SETD5: variants seen among roughly 807,000 people sequenced by gnomAD.
The protein encoded by SETD5 is histone-lysine N-methyltransferase SETD5.
A neutral mutation model predicts 153.3 loss-of-function variants in SETD5; 44 were observed. The observed-to-expected ratio is 0.29, with a 90% CI of 0.23 to 0.37. The LOEUF (loss-of-function observed/expected upper bound fraction) is 0.37, where lower values mean the gene tolerates loss of function less well. Ranked by LOEUF, SETD5 falls within the 10% of genes least tolerant of loss-of-function variation. The probability of loss-of-function intolerance (pLI) is 1.00; values close to 1 mark genes in which losing one functional copy is unlikely to be tolerated. For missense variants in SETD5, 1,544 were observed against 1,768.0 expected (o/e 0.87, Z 2.27); for synonymous variants, 716 against 645.2 (o/e 1.11, Z -1.66).
At chr3:9,431,987 C>T (rs866555709) in intron 3 of SETD5, 1 of 153,426 alleles carries the variant, frequency 6.5e-6, no homozygotes, top group Admixed American at 6.6e-5. Flanking sequence ...AAATTTATTA[C>T]TTTCTTTTAA....
At position 9,405,723 on chromosome 3, in the gene SETD5, C is replaced by A. The variant is rs560371741; in HGVS notation, c.-177+7746C>A. 7.9e-5 allele frequency among the ~76,000 whole-genome samples: 12 copies of A among 152,238 alleles called. 1 individual carries two copies. The South Asian group carries it at 2.5e-3, about 32-fold the overall frequency. Reference sequence around the variant, plus strand: ...CAGTATCATGTTAGCATATTTAATACTGTTGATATGTTAATTTTAATACAT... The same window carrying A: ...CAGTATCATGTTAGCATATTTAATAATGTTGATATGTTAATTTTAATACAT... On this transcript the variant is annotated intron_variant, in intron 1 of 22. Transcript: ENST00000402198.
chr3:9,443,923 G>A (rs1456321879), intron 11 of SETD5, among the ~76,000 whole-genome samples: 4 of 152,156 alleles, frequency 2.6e-5, no homozygotes, highest in African/African-American at 4.8e-5. Context: ...TTAGCTGGGC[G>A]TGGCGGCACA....
intron 18 of SETD5, chr3:9,468,709 G>T (rs2044927518): frequency 1.6e-6 from 1 of 640,070 alleles, no homozygotes; most frequent in African/African-American, 1.9e-5. Context: ...CTCAGTCACA[G>T]TAAGTTGAAT....
chr3:9,429,740 C>T (rs1396304730), intron 3 of SETD5: 2 of 918,404 alleles, frequency 2.2e-6, no homozygotes, highest in Non-Finnish European at 1.4e-6. Context: ...TATCCCTTCT[C>T]TTTTAAGTTG....
In SETD5 at chr3:9,400,248, T is replaced by A. The variant is rs2034538376; in HGVS notation, c.-177+2271T>A. Among the ~76,000 whole-genome samples the A allele has an allele frequency of 2.0e-5, 3 of 152,252 alleles. No individual in the cohort carries two copies. The South Asian group carries it at 6.2e-4, about 31-fold the overall frequency. ...GTTTGTTTGATTTGATTTTTGTTTT[T>A]TGGCAGATTTTTGTTTTTTATCTAG... is the stretch of plus-strand genomic sequence containing the variant. On this transcript the variant is annotated intron_variant, in intron 1 of 22. Transcript: ENST00000402198.
chr3:9,471,359 A>C (rs1238739269), intron 19 of SETD5, among the ~76,000 whole-genome samples: 2 of 152,234 alleles, frequency 1.3e-5, no homozygotes, highest in African/African-American at 4.8e-5. Context: ...GGACCAGGAT[A>C]CTACCCAGTT....
intron 1 of SETD5, among the ~76,000 whole-genome samples, chr3:9,413,222 A>G (rs191112682): frequency 6.6e-6 from 1 of 152,294 alleles, no homozygotes; most frequent in Admixed American, 6.5e-5. Context: ...AGTAGCCTAC[A>G]TATATAATGA....
chr3:9,442,979 G>A lies in SETD5; in HGVS notation c.1078-329G>A, dbSNP rs147950850. The A allele has an allele frequency of 2.2e-3, 439 of 198,188 alleles. 2 individuals are homozygous for A. Among genetic ancestry groups the A allele is most frequent in the African/African-American group, 0.01 (427 of 41,896 alleles). The allele number at this position is 198,188 out of a possible 1,614,324, so 12.3% of individuals were successfully genotyped here. A position where few individuals can be genotyped will look rare whatever the true frequency, so the allele number is the denominator to read the frequency against. Reference sequence around the variant, plus strand: ...TGCTTGAACCCGGGAGGCAGAGGTTGCCGTGAGCCGAGATCACGCCACTCC... The same window carrying A: ...TGCTTGAACCCGGGAGGCAGAGGTTACCGTGAGCCGAGATCACGCCACTCC... On this transcript the variant is annotated intron_variant, in intron 10 of 22. Transcript: ENST00000402198.
intron 3 of SETD5, chr3:9,431,217 T>C (rs1469916030): frequency 2.0e-6 from 2 of 985,330 alleles, no homozygotes; most frequent in African/African-American, 3.5e-5. Context: ...CAAAGATTTT[T>C]CTGAATTTCC....
At position 9,448,474 on chromosome 3, in the gene SETD5, T is replaced by G; in HGVS notation, c.2190T>G (p.Thr730=). The G allele has an allele frequency of 6.2e-7, 1 of 1,613,988 alleles. No individual in the cohort carries two copies. Among genetic ancestry groups the G allele is most frequent in the African/African-American group, 1.3e-5 (1 of 75,048 alleles). ...ECPLRITTDP[T]VLATTLNMLP... ...CTTTACGTATCACAACGGATCCAACTGTACTGGCAACGACCCTAAACATGT... is the reference window on the plus strand; with the variant it reads ...CTTTACGTATCACAACGGATCCAACGGTACTGGCAACGACCCTAAACATGT... Residue 730 remains threonine, a synonymous_variant, in exon 16 of 23, where the codon ACT becomes ACG. Coordinates refer to ENST00000402198, the MANE Select transcript of SETD5 (RefSeq NM_001080517.3).
chr3:9,440,792 G>A (rs1261877540), intron 8 of SETD5, 94 bp downstream of exon 8: 12 of 1,433,048 alleles, frequency 8.4e-6, no homozygotes, highest in South Asian at 1.4e-5. Flanking sequence ...CCTTCCAAAT[G>A]TACAAGGCCA....
At chr3:9,425,576 T>A (rs955067262) in intron 2 of SETD5, among the ~76,000 whole-genome samples, 1 of 92,550 alleles carries the variant, frequency 1.1e-5, no homozygotes, top group Non-Finnish European at 2.5e-5. Context: ...GAAACTGTAC[T>A]TTTTTTTTTT....
At position 9,476,915 on chromosome 3, in the gene SETD5, T is replaced by A. The variant is rs1311825470; in HGVS notation, c.*824T>A. 1 of 152,654 alleles carries A rather than the reference T, an allele frequency of 6.6e-6. No homozygotes were observed. Among genetic ancestry groups the A allele is most frequent in the Non-Finnish European group, 1.5e-5 (1 of 68,038 alleles). 9.5% of individuals were successfully genotyped at this position (152,654 alleles called of 1,614,324 possible). On this transcript the variant is annotated 3_prime_UTR_variant, in exon 23 of 23. Transcript: ENST00000402198. ...TGATATAGGCCAATTGCATTGCTAC[T>A]TACCAGCTTTTGGCAATAAATTTCA...
In SETD5 at chr3:9,440,673, A is replaced by G; in HGVS notation, c.785A>G (p.Asn262Ser). 1 of 1,613,514 alleles carries G rather than the reference A, an allele frequency of 6.2e-7. No individual in the cohort carries two copies. Among genetic ancestry groups the G allele is most frequent in the Non-Finnish European group, 8.5e-7 (1 of 1,179,662 alleles). ...AATAAGACTGAATTGGCCTGTAATA[A>G]CACAGTTATTGGTTCCCAAATGCAG... is the stretch of plus-strand genomic sequence containing the variant. ...TINKTELACN[N>S]TVIGSQMQLQ... The change falls in exon 8 of 23, where the codon AAC (asparagine) becomes AGC (serine). Residue 262 changes from asparagine (N) to serine (S), a missense_variant. This residue lies in a region of SETD5 where 251 missense variants were observed against 326.9 expected (regional missense o/e 0.77). Transcript: ENST00000402198.
intron 13 of SETD5, among the ~76,000 whole-genome samples, 179 bp downstream of exon 13, chr3:9,445,919 CAGT>C (rs1206888283): frequency 7.0e-6 from 1 of 142,518 alleles, no homozygotes; most frequent in Non-Finnish European, 1.5e-5. Flanking sequence ...TCTATACACA[CAGT>C]AGTTTTGTAG....
intron 9 of SETD5, 69 bp downstream of exon 9, chr3:9,441,810 C>G: frequency 2.5e-6 from 4 of 1,589,626 alleles, no homozygotes; most frequent in Non-Finnish European, 2.6e-6. Flanking sequence ...TTGTAAAAAT[C>G]ATTCTGTTTG....
At position 9,429,805 on chromosome 3, in the gene SETD5, A is replaced by C. The variant is rs1411961898; in HGVS notation, c.71+796A>C. ...CCTCTTGTCCTTTTACCTCCCTTGTACCCAATCTTCCTTGCTTACAGAAAG... is the reference window on the plus strand; with the variant it reads ...CCTCTTGTCCTTTTACCTCCCTTGTCCCCAATCTTCCTTGCTTACAGAAAG... On this transcript the variant is annotated intron_variant, in intron 3 of 22. Coordinates refer to ENST00000402198, the MANE Select transcript of SETD5 (RefSeq NM_001080517.3). The C allele has an allele frequency of 3.8e-6, 5 of 1,299,608 alleles. No homozygotes were observed. In the Admixed American group the frequency reaches 1.2e-4, roughly 30 times the overall value. The allele number at this position is 1,299,608 out of a possible 1,614,324, so 80.5% of individuals were successfully genotyped here.
Position 9,416,312 on chromosome 3 carries a change from C to A in SETD5, c.-176-8155C>A, listed in dbSNP as rs75530383. 5.9e-5 allele frequency among the ~76,000 whole-genome samples: 9 copies of A among 152,232 alleles called. No homozygotes were observed. The East Asian group carries it at 1.7e-3, about 29-fold the overall frequency. On this transcript the variant is annotated intron_variant, in intron 1 of 22. Coordinates refer to ENST00000402198, the MANE Select transcript of SETD5 (RefSeq NM_001080517.3). ...ATAATCAGTCCTTATCTTTAGTACA[C>A]AGATTTATGGAATATCACACTCACT...
intron 7 of SETD5, among the ~76,000 whole-genome samples, chr3:9,438,651 T>A (rs73811485): frequency 1.2e-4 from 18 of 152,298 alleles, no homozygotes; most frequent in African/African-American, 4.1e-4. Flanking sequence ...TTAGAAAAAA[T>A]TATCATTTGG....
Sources: gnomAD v4.1 joint callset for allele counts (sites outside exome capture counted in the v4.1 genomes callset) on GRCh38, gnomAD v4.1.1 for gene constraint, gnomAD v4.1.1 regional missense constraint, MANE v1.5 for transcripts, NCBI Gene and HGNC (gene_info 2026-07-23, HGNC 2026-07-21) for gene names.